DRC1: variants seen among roughly 807,000 people sequenced by gnomAD.
DRC1 encodes dynein regulatory complex subunit 1, also known as dynein regulatory complex protein 1.
In DRC1, 74 loss-of-function variants were observed where a neutral mutation model predicts 98.7. That is an observed-to-expected ratio of 0.75 (90% CI 0.62 to 0.91). DRC1 has a LOEUF of 0.91. Among genes scored for constraint, DRC1 ranks in the 40% least tolerant of loss-of-function variants. The pLI, the probability that DRC1 is intolerant of heterozygous loss-of-function variation, is 0.00. For missense variants in DRC1, 875 were observed against 886.0 expected, an observed-to-expected ratio of 0.99 and a Z score of 0.16; for synonymous variants, 336 against 334.1, an observed-to-expected ratio of 1.01 and a Z score of -0.06.
chr2:26,427,314 C>G (rs1159964545), intron 4 of DRC1, among the ~76,000 whole-genome samples: 2 of 152,112 alleles, frequency 1.3e-5, no homozygotes, highest in Non-Finnish European at 2.9e-5. Flanking sequence ...TGGGATTTCA[C>G]CACGTTGCCA....
At chr2:26,405,154 C>T (rs1027162255) in intron 1 of DRC1, among the ~76,000 whole-genome samples, 4 of 152,186 alleles carry the variant, frequency 2.6e-5, no homozygotes, top group African/African-American at 4.8e-5. Flanking sequence ...TGAATCTTTA[C>T]CAGCGTGCAC....
intron 8 of DRC1, 100 bp downstream of exon 8, chr2:26,440,617 A>T: frequency 7.3e-7 from 1 of 1,365,926 alleles, no homozygotes; most frequent in Non-Finnish European, 9.6e-7. Context: ...ACCATTAAAA[A>T]TATAACCAAC....
intron 2 of DRC1, among the ~76,000 whole-genome samples, chr2:26,415,545 T>G (rs115923976): frequency 6.6e-6 from 1 of 152,232 alleles, no homozygotes; most frequent in African/African-American, 2.4e-5. Context: ...GAAAGGATAC[T>G]GGACTGATGT....
intron 1 of DRC1, among the ~76,000 whole-genome samples, chr2:26,412,757 G>A (rs1381689461): frequency 1.3e-5 from 2 of 152,108 alleles, no homozygotes; most frequent in African/African-American, 2.4e-5. Context: ...AATGTCCTGT[G>A]CACATATAAG....
intron 6 of DRC1, among the ~76,000 whole-genome samples, chr2:26,431,265 T>G (rs528698886): frequency 2.0e-4 from 30 of 152,320 alleles, no homozygotes; most frequent in African/African-American, 7.0e-4. Flanking sequence ...CCTTTTTGTA[T>G]CTTAAGTAGA....
chr2:26,439,028 G>A (rs1281627768), intron 7 of DRC1, among the ~76,000 whole-genome samples: 8 of 152,046 alleles, frequency 5.3e-5, no homozygotes, highest in Non-Finnish European at 1.0e-4. Context: ...AACATTTTCA[G>A]TGACCCTCCA....
At chr2:26,436,957 A>G (rs935801236) in intron 7 of DRC1, among the ~76,000 whole-genome samples, 1 of 152,146 alleles carries the variant, frequency 6.6e-6, no homozygotes, top group Non-Finnish European at 1.5e-5. Context: ...GTGAGTGCTC[A>G]TACGTTCTCA....
chr2:26,431,951 T>A lies in DRC1; in HGVS notation c.833T>A (p.Ile278Asn). ...GAGAAGCAGCTGAACAGGCAGAGGA[T>A]CTGGGATTGCGAAGAATACAACATG... ...DYEKQLNRQR[I>N]WDCEEYNMIK... Residue 278 changes from isoleucine to asparagine, a missense_variant, in exon 7 of 17, where the codon ATC becomes AAC. Ile to Asn is a moderately radical substitution (Grantham distance 149, BLOSUM62 -3). Transcript: ENST00000288710. 2 of 1,614,148 alleles carry A rather than the reference T, an allele frequency of 1.2e-6. No homozygotes were observed.
chr2:26,414,578 T>G lies in DRC1; in HGVS notation c.243+147T>G, dbSNP rs547184417. ...TAGAATCTTTCCCATTTGAGAGCTC[T>G]CTAGGAGTGAGCTTTCAGATGACAG... On this transcript the variant is annotated intron_variant, in intron 2 of 16. Coordinates refer to ENST00000288710, the MANE Select transcript of DRC1 (RefSeq NM_145038.5). 63 of 663,132 alleles carry G rather than the reference T, an allele frequency of 9.5e-5. No individual in the cohort carries two copies. In the East Asian group the frequency reaches 1.8e-3, roughly 18 times the overall value. 41.1% of individuals were successfully genotyped at this position (663,132 alleles called of 1,614,324 possible). A position where few individuals can be genotyped will look rare whatever the true frequency, so the allele number is the denominator to read the frequency against.
intron 14 of DRC1, among the ~76,000 whole-genome samples, chr2:26,453,958 A>G (rs754440994): frequency 6.6e-6 from 1 of 152,182 alleles, no homozygotes; most frequent in Non-Finnish European, 1.5e-5. Context: ...GGCAGATAAA[A>G]TGGAGGTAAG....
At chr2:26,417,596 TG>T (rs1678852672) in intron 2 of DRC1, among the ~76,000 whole-genome samples, 1 of 152,214 alleles carries the variant, frequency 6.6e-6, no homozygotes. Context: ...CCCAAAGTGC[TG>T]GGATTACAGG....
At chr2:26,414,621 G>C (rs763866367) in intron 2 of DRC1, among the ~76,000 whole-genome samples, 190 bp downstream of exon 2, 2 of 152,200 alleles carry the variant, frequency 1.3e-5, no homozygotes, top group Non-Finnish European at 2.9e-5. Context: ...TATTTACGCT[G>C]TCTCTTCTCT....
At chr2:26,453,262 T>G in intron 13 of DRC1, 58 bp from the exon 14 acceptor site, 1 of 1,580,704 alleles carries the variant, frequency 6.3e-7, no homozygotes, top group Non-Finnish European at 8.6e-7. Context: ...CCTGCCTCTC[T>G]CTCCATGCTC....
rs140550646 is a variant in DRC1, at chr2:26,448,803, G to A, written c.1509G>A (p.Ser503=). ...KRILMLLCDE[S]GFLIESKLLS... ...TCCTGATGCTCCTGTGTGACGAGTC[G>A]GTGAGGCCAGGCGGGGGCTGCAGCA... Residue 503 remains serine (S), a splice_region_variant and synonymous_variant, in exon 11 of 17, where the codon TCG becomes TCA. Coordinates refer to ENST00000288710, the MANE Select transcript of DRC1 (RefSeq NM_145038.5). The A allele has an allele frequency of 2.4e-5, 39 of 1,614,008 alleles. No individual in the cohort carries two copies. The highest frequency in any genetic ancestry group is 1.2e-4 in the African/African-American group (9 of 75,062).
At chr2:26,437,859 C>T (rs547461071) in intron 7 of DRC1, among the ~76,000 whole-genome samples, 3 of 151,874 alleles carry the variant, frequency 2.0e-5, no homozygotes, top group South Asian at 4.2e-4. Flanking sequence ...GAAGTCAAGG[C>T]GGGCAGATCA....
At chr2:26,403,739 G>A (rs1165192518) in intron 1 of DRC1, among the ~76,000 whole-genome samples, 2 of 145,052 alleles carry the variant, frequency 1.4e-5, no homozygotes, top group Non-Finnish European at 3.0e-5. Flanking sequence ...AGGTTGCAGT[G>A]AGCTGAGATA....
At chr2:26,431,300 G>A (rs764589501) in intron 6 of DRC1, among the ~76,000 whole-genome samples, 11 of 152,158 alleles carry the variant, frequency 7.2e-5, no homozygotes, top group Non-Finnish European at 1.5e-4. Context: ...ATGCTACTGC[G>A]TTCATTACTG....
At chr2:26,431,246 G>C (rs981041161) in intron 6 of DRC1, among the ~76,000 whole-genome samples, 1 of 152,252 alleles carries the variant, frequency 6.6e-6, no homozygotes, top group East Asian at 1.9e-4. Context: ...GAGCCTCCGC[G>C]CCCGGCCGCC....
intron 1 of DRC1, among the ~76,000 whole-genome samples, chr2:26,413,916 T>A (rs1177212041): frequency 1.3e-5 from 2 of 151,938 alleles, no homozygotes; most frequent in African/African-American, 4.8e-5. Flanking sequence ...GCAGTTTTTT[T>A]AATATTTAAG....
Sources: allele counts gnomAD v4.1 joint callset (sites outside exome capture counted in the v4.1 genomes callset), GRCh38; gene constraint gnomAD v4.1.1; transcripts MANE v1.5; gene names NCBI Gene and HGNC (gene_info 2026-07-23, HGNC 2026-07-21).